Variants in ADAMTS6 observed in about 807,000 individuals in gnomAD.
The protein encoded by ADAMTS6 is A disintegrin and metalloproteinase with thrombospondin motifs 6.
In ADAMTS6, 23 loss-of-function variants were observed where a neutral mutation model predicts 144.3. That is an observed-to-expected ratio of 0.16 (90% CI 0.11 to 0.23). The LOEUF is 0.23. Among genes scored for constraint, ADAMTS6 ranks in the 10% least tolerant of loss-of-function variants. The pLI is 1.00. For synonymous variants in ADAMTS6, 444 were observed against 457.5 expected, an observed-to-expected ratio of 0.97 and a Z score of 0.38; for missense variants, 999 against 1,379.6, an observed-to-expected ratio of 0.72 and a Z score of 4.37.
intron 12 of ADAMTS6, among the ~76,000 whole-genome samples, chr5:65,270,784 CAT>C (rs1339776082): frequency 6.6e-6 from 1 of 152,144 alleles, no homozygotes; most frequent in Non-Finnish European, 1.5e-5. Flanking sequence ...GACCCCTTGA[CAT>C]ATAAACTTTG....
chr5:65,271,182 G>T (rs1580250013), intron 12 of ADAMTS6, among the ~76,000 whole-genome samples: 2 of 151,960 alleles, frequency 1.3e-5, no homozygotes, highest in Admixed American at 1.3e-4. Context: ...AAGGTCAGGA[G>T]ATGGAGACCA....
Position 65,262,798 on chromosome 5 carries a change from G to C in ADAMTS6, c.1766+19C>G. On this transcript the variant is annotated intron_variant, in intron 13 of 24. Transcript: ENST00000381055. ...CAACTGTGTCTTTTTGTTGGCTCCG[G>C]CTTACTTTAGCTACTTACGCTGGAC... The C allele has an allele frequency of 6.7e-7, 1 of 1,482,594 alleles. No homozygotes were observed. Among genetic ancestry groups the C allele is most frequent in the Non-Finnish European group, 8.9e-7 (1 of 1,119,516 alleles). 91.8% of individuals were successfully genotyped at this position (1,482,594 alleles called of 1,614,324 possible).
At position 65,151,651 on chromosome 5, in the gene ADAMTS6, A is replaced by G. The variant is rs915688101; in HGVS notation, c.*185T>C. ...ATACCGTGTCCAGCACTTTGGATCA[A>G]TAAATCCCACTTCACAGAAGCTAAA... On this transcript the variant is annotated 3_prime_UTR_variant, in exon 25 of 25. Coordinates refer to ENST00000381055, the MANE Select transcript of ADAMTS6 (RefSeq NM_197941.4). 18 of 544,708 alleles carry G rather than the reference A, an allele frequency of 3.3e-5. No individual in the cohort carries two copies. Among genetic ancestry groups the G allele is most frequent in the African/African-American group, 2.8e-4 (15 of 53,508 alleles). The allele number at this position is 544,708 out of a possible 1,614,324, so 33.7% of individuals were successfully genotyped here.
intron 23 of ADAMTS6, among the ~76,000 whole-genome samples, chr5:65,172,197 G>A (rs1214857686): frequency 3.3e-5 from 5 of 151,004 alleles, no homozygotes; most frequent in Admixed American, 6.6e-5. Flanking sequence ...GGCGGATCAC[G>A]AGGTCAGGAG....
intron 7 of ADAMTS6, among the ~76,000 whole-genome samples, chr5:65,408,401 A>G (rs1754760269): frequency 6.6e-6 from 1 of 152,236 alleles, no homozygotes; most frequent in Non-Finnish European, 1.5e-5. Flanking sequence ...AGAGACAAAG[A>G]AGGCCATCAC....
Position 65,452,158 on chromosome 5 carries a change from C to T in ADAMTS6, c.902G>A (p.Arg301His), listed in dbSNP as rs758167428. ...CTGATCTTCTGTGAGAACAATTAAG[C>T]GGGCCACTATAATATTCACAACGTT... ...LGNVVNIIVA[R>H]LIVLTEDQPN... The change falls in exon 6 of 25, where the codon CGC becomes CAC. Residue 301 changes from arginine (R) to histidine (H), a missense_variant. This residue lies in a region of ADAMTS6 where 128 missense variants were observed against 249.0 expected (regional missense o/e 0.51). Transcript: ENST00000381055. 10 of 1,609,492 alleles carry T rather than the reference C, an allele frequency of 6.2e-6. No individual in the cohort carries two copies. The highest frequency in any genetic ancestry group is 3.4e-6 in the Non-Finnish European group (4 of 1,177,494).
At position 65,452,894 on chromosome 5, in the gene ADAMTS6, C is replaced by A; in HGVS notation, c.656G>T (p.Trp219Leu). The A allele has an allele frequency of 6.2e-7, 1 of 1,613,460 alleles. No individual in the cohort carries two copies. Reference protein sequence around the residue: ...VSDFTRSGKPWWLNDTSTVSY... With the variant: ...VSDFTRSGKPLWLNDTSTVSY... ...AACAGTGGATGTGTCATTCAGCCAC[C>A]AAGGTTTGCCACTTCTTGTGAAATC... Residue 219 changes from tryptophan to leucine, a missense_variant, in exon 5 of 25, where the codon TGG becomes TTG. Physicochemically the swap from Trp to Leu is moderately conservative, Grantham distance 61. Around this residue, in one of 3 missense-constraint regions of ADAMTS6, gnomAD observed 252 missense variants for 293.7 expected, o/e 0.86. Coordinates refer to ENST00000381055, the MANE Select transcript of ADAMTS6 (RefSeq NM_197941.4).
intron 9 of ADAMTS6, among the ~76,000 whole-genome samples, chr5:65,302,283 A>T (rs1186706348): frequency 6.9e-6 from 1 of 144,584 alleles, no homozygotes. Flanking sequence ...ATTATATATA[A>T]AATATTAATA....
chr5:65,164,390 A>G (rs907591467), intron 24 of ADAMTS6, among the ~76,000 whole-genome samples: 10 of 151,768 alleles, frequency 6.6e-5, no homozygotes, highest in Non-Finnish European at 1.5e-4. Context: ...ACGCCCACGG[A>G]GTCTCGCTGA....
At chr5:65,329,111 A>T (rs568479811) in intron 9 of ADAMTS6, among the ~76,000 whole-genome samples, 1 of 152,250 alleles carries the variant, frequency 6.6e-6, no homozygotes, top group African/African-American at 2.4e-5. Context: ...GGACTTTATA[A>T]GGAAACAGGT....
intron 14 of ADAMTS6, among the ~76,000 whole-genome samples, chr5:65,255,357 C>G (rs1299229113): frequency 1.3e-5 from 2 of 152,004 alleles, no homozygotes; most frequent in African/African-American, 2.4e-5. Flanking sequence ...TTCTGAGATT[C>G]TGCAGCGGAC....
intron 20 of ADAMTS6, among the ~76,000 whole-genome samples, chr5:65,207,495 T>C (rs1756188637): frequency 6.6e-6 from 1 of 152,226 alleles, no homozygotes. Flanking sequence ...TATCAGTTAA[T>C]GGGCTTTGGA....
intron 3 of ADAMTS6, among the ~76,000 whole-genome samples, chr5:65,460,694 T>C (rs1483817622): frequency 6.6e-6 from 1 of 152,220 alleles, no homozygotes; most frequent in African/African-American, 2.4e-5. Flanking sequence ...AGATATAGCT[T>C]TGTGATTGAG....
intron 14 of ADAMTS6, among the ~76,000 whole-genome samples, chr5:65,249,134 T>C (rs1021391192): frequency 1.3e-5 from 2 of 151,982 alleles, no homozygotes; most frequent in African/African-American, 4.8e-5. Context: ...AGTTTGGCAA[T>C]TATTATATTG....
chr5:65,309,843 A>G (rs1280359232), intron 9 of ADAMTS6, among the ~76,000 whole-genome samples: 1 of 152,084 alleles, frequency 6.6e-6, no homozygotes, highest in African/African-American at 2.4e-5. Flanking sequence ...ACCGTGACTC[A>G]TGCCTATAAT....
chr5:65,191,476 G>C (rs1001601513), intron 21 of ADAMTS6, among the ~76,000 whole-genome samples: 1 of 152,086 alleles, frequency 6.6e-6, no homozygotes, highest in Non-Finnish European at 1.5e-5. Context: ...GATTAAGAGA[G>C]AGATTTCCTA....
intron 7 of ADAMTS6, among the ~76,000 whole-genome samples, chr5:65,400,094 T>C (rs1286858176): frequency 6.6e-6 from 1 of 152,218 alleles, no homozygotes; most frequent in Non-Finnish European, 1.5e-5. Flanking sequence ...CTTGCTTGCA[T>C]AGTTTCTGTT....
At chr5:65,228,143 T>C (rs1341166726) in intron 15 of ADAMTS6, among the ~76,000 whole-genome samples, 1 of 152,200 alleles carries the variant, frequency 6.6e-6, no homozygotes, top group Non-Finnish European at 1.5e-5. Flanking sequence ...AAAATGTCCA[T>C]GAATCTTACT....
At chr5:65,269,875 C>T (rs1471204535) in intron 12 of ADAMTS6, among the ~76,000 whole-genome samples, 3 of 150,344 alleles carry the variant, frequency 2.0e-5, no homozygotes, top group African/African-American at 7.4e-5. Context: ...CTCACTGCAA[C>T]CTCCGCCTCC....
Sources: gnomAD v4.1 joint callset for allele counts (sites outside exome capture counted in the v4.1 genomes callset) on GRCh38, gnomAD v4.1.1 for gene constraint, gnomAD v4.1.1 regional missense constraint, MANE v1.5 for transcripts, NCBI Gene and HGNC (gene_info 2026-07-23, HGNC 2026-07-21) for gene names.